The following CA10 variants were observed in gnomAD, a reference collection of about 807,000 sequenced individuals.
The protein encoded by CA10 is carbonic anhydrase 10 (inactive), also known as carbonic anhydrase-related protein 10.
Under a neutral mutation model 44.2 loss-of-function variants are expected in CA10, and 14 were observed. That is an observed-to-expected ratio of 0.32 (90% CI 0.21 to 0.50). The LOEUF is 0.50. CA10 is among the 20% of genes least tolerant of loss of function. The pLI, the probability that CA10 is intolerant of heterozygous loss-of-function variation, is 0.99. For missense variants in CA10, 350 were observed against 409.7 expected, an observed-to-expected ratio of 0.85 and a Z score of 1.26; for synonymous variants, 159 against 141.6, an observed-to-expected ratio of 1.12 and a Z score of -0.87.
intron 2 of CA10, among the ~76,000 whole-genome samples, chr17:52,002,055 A>G (rs1016672449): frequency 6.6e-6 from 1 of 151,950 alleles, no homozygotes; most frequent in Admixed American, 6.6e-5. Context: ...TTTAACAAAA[A>G]TATGTTAGGA....
At position 51,924,566 on chromosome 17, in the gene CA10, G is replaced by A. The variant is rs148259151; in HGVS notation, c.279+6424C>T. Among the ~76,000 whole-genome samples, 189 of 152,276 alleles carry A rather than the reference G, an allele frequency of 1.2e-3. 5 individuals are homozygous for A. The South Asian group carries it at 0.023, about 18-fold the overall frequency. On this transcript the variant is annotated intron_variant, in intron 3 of 8. Coordinates refer to ENST00000451037, the MANE Select transcript of CA10 (RefSeq NM_020178.5). ...CTTTACCTTGCTTAGGGGCTTGGAG[G>A]CTGGCTTGCATGGACTGATTCAACA...
intron 1 of CA10, among the ~76,000 whole-genome samples, chr17:52,126,894 A>G (rs1353141192): frequency 6.6e-6 from 1 of 152,220 alleles, no homozygotes; most frequent in African/African-American, 2.4e-5. Context: ...ACATTTTGCT[A>G]AAGAATGTTT....
At chr17:51,993,754 G>A (rs1985126964) in intron 2 of CA10, among the ~76,000 whole-genome samples, 1 of 151,952 alleles carries the variant, frequency 6.6e-6, no homozygotes. Context: ...CTGGAGTTGA[G>A]GAAACAGAAG....
intron 2 of CA10, among the ~76,000 whole-genome samples, chr17:52,040,641 A>C (rs1447643400): frequency 6.6e-6 from 1 of 152,092 alleles, no homozygotes; most frequent in African/African-American, 2.4e-5. Flanking sequence ...AATGGCCCAG[A>C]GCATCATCTG....
At chr17:51,701,773 C>T (rs1324533468) in intron 4 of CA10, among the ~76,000 whole-genome samples, 1 of 152,208 alleles carries the variant, frequency 6.6e-6, no homozygotes, top group East Asian at 1.9e-4. Context: ...GACATTCTAT[C>T]AAACTTTCTA....
intron 2 of CA10, among the ~76,000 whole-genome samples, chr17:52,063,812 G>C (rs1987458739): frequency 1.3e-5 from 2 of 152,102 alleles, no homozygotes; most frequent in South Asian, 2.1e-4. Flanking sequence ...TCCAGCCTCA[G>C]GTATTCATTT....
chr17:51,832,514 G>C (rs922745834), intron 3 of CA10, among the ~76,000 whole-genome samples: 1 of 152,204 alleles, frequency 6.6e-6, no homozygotes, highest in East Asian at 1.9e-4. Context: ...AAGGCTTAAA[G>C]ATGCTCATGA....
At chr17:51,879,091 A>G (rs369171033) in intron 3 of CA10, among the ~76,000 whole-genome samples, 1 of 151,748 alleles carries the variant, frequency 6.6e-6, no homozygotes, top group Non-Finnish European at 1.5e-5. Flanking sequence ...CCATTATAAC[A>G]TGAGAATTTC....
intron 4 of CA10, among the ~76,000 whole-genome samples, chr17:51,731,247 T>G (rs1351311618): frequency 6.6e-6 from 1 of 152,170 alleles, no homozygotes; most frequent in Non-Finnish European, 1.5e-5. Flanking sequence ...CATGGTGGCA[T>G]GTGCCTGTAG....
chr17:51,887,066 A>C (rs1055274767), intron 3 of CA10, among the ~76,000 whole-genome samples: 6 of 152,140 alleles, frequency 3.9e-5, no homozygotes, highest in African/African-American at 1.2e-4. Context: ...AATTCTTGGC[A>C]TCCCTAATAA....
intron 1 of CA10, among the ~76,000 whole-genome samples, chr17:52,081,902 C>A (rs138907506): frequency 6.6e-6 from 1 of 152,096 alleles, no homozygotes; most frequent in Non-Finnish European, 1.5e-5. Flanking sequence ...AACTCCCACC[C>A]TTTTTAGTCT....
At chr17:51,881,763 C>T (rs1047757302) in intron 3 of CA10, among the ~76,000 whole-genome samples, 1 of 152,186 alleles carries the variant, frequency 6.6e-6, no homozygotes, top group Non-Finnish European at 1.5e-5. Context: ...CTGGTAATAT[C>T]CAGGTTTGGC....
chr17:51,953,374 C>T (rs556975945), intron 2 of CA10, among the ~76,000 whole-genome samples: 5 of 152,130 alleles, frequency 3.3e-5, no homozygotes, highest in Non-Finnish European at 5.9e-5. Context: ...TATTCCATTA[C>T]ACTCTGTCTT....
At chr17:51,745,651 A>C (rs75348974) in intron 4 of CA10, among the ~76,000 whole-genome samples, 1 of 152,194 alleles carries the variant, frequency 6.6e-6, no homozygotes, top group Non-Finnish European at 1.5e-5. Flanking sequence ...TGGTTCACGT[A>C]TAAGTTACAA....
chr17:51,812,407 A>T (rs1485164064), intron 3 of CA10, among the ~76,000 whole-genome samples: 1 of 152,192 alleles, frequency 6.6e-6, no homozygotes, highest in Non-Finnish European at 1.5e-5. Context: ...TAGTGTCATC[A>T]TGTTGCTGTG....
At chr17:52,018,556 A>T (rs1420932108) in intron 2 of CA10, among the ~76,000 whole-genome samples, 1 of 152,016 alleles carries the variant, frequency 6.6e-6, no homozygotes, top group Non-Finnish European at 1.5e-5. Context: ...TTGAAATAGA[A>T]ATGTTTACTC....
At chr17:51,711,183 AT>A in intron 4 of CA10, among the ~76,000 whole-genome samples, 1 of 152,216 alleles carries the variant, frequency 6.6e-6, no homozygotes, top group Non-Finnish European at 1.5e-5. Flanking sequence ...TGTGAAAATG[AT>A]TAGGCAGGCA....
chr17:52,116,343 C>T (rs1429540138), intron 1 of CA10, among the ~76,000 whole-genome samples: 2 of 152,086 alleles, frequency 1.3e-5, no homozygotes, highest in Non-Finnish European at 2.9e-5. Flanking sequence ...CACAGCTTTG[C>T]CTTAACATTC....
chr17:51,850,325 C>T (rs57598058), intron 3 of CA10, among the ~76,000 whole-genome samples: 4,544 of 152,152 alleles, frequency 0.03, 219 homozygotes, highest in African/African-American at 0.1. Flanking sequence ...CTGCTTTAAC[C>T]CATGCTAGTC....
Sources: allele counts gnomAD v4.1 joint callset (sites outside exome capture counted in the v4.1 genomes callset), GRCh38; gene constraint gnomAD v4.1.1; transcripts MANE v1.5; gene names NCBI Gene and HGNC (gene_info 2026-07-23, HGNC 2026-07-21).